The following FLRT1 variants were observed in gnomAD, a reference collection of about 807,000 sequenced individuals.
FLRT1 encodes the protein fibronectin leucine rich transmembrane protein 1, also known as leucine-rich repeat transmembrane protein FLRT1.
In FLRT1, 14 loss-of-function variants were observed where a neutral mutation model predicts 30.9. That is an observed-to-expected ratio of 0.45 (90% CI 0.30 to 0.71). The LOEUF is 0.71. FLRT1 is among the 30% of genes least tolerant of loss of function. The pLI, the probability that FLRT1 is intolerant of heterozygous loss-of-function variation, is 0.08. For synonymous variants in FLRT1, 368 were observed against 430.4 expected (o/e 0.85, Z 1.80); for missense variants, 737 against 949.2 (o/e 0.78, Z 2.94).
chr11:64,043,132 G>A (rs1045099655), intron 1 of FLRT1, among the ~76,000 whole-genome samples: 1 of 152,224 alleles, frequency 6.6e-6, no homozygotes, highest in African/African-American at 2.4e-5. Flanking sequence ...CTGTGAAACA[G>A]GATGATGGCA....
chr11:64,077,748 C>A (rs1048848155), intron 1 of FLRT1, among the ~76,000 whole-genome samples: 1 of 152,186 alleles, frequency 6.6e-6, no homozygotes, highest in Non-Finnish European at 1.5e-5. Flanking sequence ...ACTGCATTGC[C>A]GAGGGAGGAG....
At position 64,055,052 on chromosome 11, in the gene FLRT1, A is replaced by G. The variant is rs570232933; in HGVS notation, c.-1038+18893A>G. Reference sequence around the variant, plus strand: ...TTCCCATGCTGACAGCCCTTCCTCCAGGAAGCCTTCCTAGATCCCCCCAGC... The same window carrying G: ...TTCCCATGCTGACAGCCCTTCCTCCGGGAAGCCTTCCTAGATCCCCCCAGC... On this transcript the variant is annotated intron_variant, in intron 1 of 2. Transcript: ENST00000682287. Among the ~76,000 whole-genome samples, 22 of 151,962 alleles carry G rather than the reference A, an allele frequency of 1.4e-4. No homozygotes were observed. In the South Asian group the frequency reaches 4.6e-3, roughly 32 times the overall value.
At chr11:64,110,449 G>GAA (rs754055496) in intron 2 of FLRT1, among the ~76,000 whole-genome samples, 11 of 132,274 alleles carry the variant, frequency 8.3e-5, no homozygotes, top group African/African-American at 2.8e-4. Flanking sequence ...GACTGTCTCA[G>GAA]AAAAAAAAAA....
rs146221398 is a variant in FLRT1, at chr11:64,059,332, C to T, written c.-1038+23173C>T. On this transcript the variant is annotated intron_variant, in intron 1 of 2. Coordinates refer to ENST00000682287, the MANE Select transcript of FLRT1 (RefSeq NM_013280.5). ...ACTGAAGGTGGATGCGTGTAGCCAC[C>T]GACATGGGAGGCGTTGCGGGCTTAT... is the stretch of plus-strand genomic sequence containing the variant. 3.2e-3 allele frequency among the ~76,000 whole-genome samples: 486 copies of T among 152,288 alleles called. 3 individuals are homozygous for T. Among genetic ancestry groups the T allele is most frequent in the African/African-American group, 9.0e-3 (375 of 41,568 alleles).
intron 1 of FLRT1, among the ~76,000 whole-genome samples, chr11:64,085,913 C>T (rs1284242759): frequency 1.3e-5 from 2 of 152,158 alleles, no homozygotes; most frequent in African/African-American, 4.8e-5. Flanking sequence ...GGCCACCCCA[C>T]CCCCACAGAA....
At chr11:64,079,052 T>G (rs1590877280) in intron 1 of FLRT1, among the ~76,000 whole-genome samples, 1 of 130,876 alleles carries the variant, frequency 7.6e-6, no homozygotes, top group East Asian at 2.4e-4. Flanking sequence ...TGAGCCGCTG[T>G]GCGGACAGAC....
intron 1 of FLRT1, among the ~76,000 whole-genome samples, chr11:64,068,086 G>A (rs1169418102): frequency 1.3e-5 from 2 of 152,222 alleles, no homozygotes; most frequent in African/African-American, 2.4e-5. Context: ...AACCGGAGCC[G>A]GGCGAAGTTG....
chr11:64,077,122 C>T (rs111890347), intron 1 of FLRT1, among the ~76,000 whole-genome samples: 7,415 of 152,218 alleles, frequency 0.049, 446 homozygotes, highest in African/African-American at 0.14. Flanking sequence ...AGTCCAGCCT[C>T]GGGTAGGCCT....
rs186871255 is a variant in FLRT1 at position 64,067,390 on chromosome 11, T to C, written c.-1038+31231T>C. ...CAGCTGCTGACGTGAAAATGAAATATAGATTCAATACCTGAGCCTTTCAGC... is the reference window on the plus strand; with the variant it reads ...CAGCTGCTGACGTGAAAATGAAATACAGATTCAATACCTGAGCCTTTCAGC... On this transcript the variant is annotated intron_variant, in intron 1 of 2. Coordinates refer to ENST00000682287, the MANE Select transcript of FLRT1 (RefSeq NM_013280.5). This position sits in a 1 kb window ranked among gnomAD's most constrained non-coding sequence, Gnocchi z 4.6. 2.2e-4 allele frequency among the ~76,000 whole-genome samples: 33 copies of C among 152,118 alleles called. No homozygotes were observed. The highest frequency in any genetic ancestry group is 3.9e-4 in the East Asian group (2 of 5,156).
chr11:64,069,162 G>A (rs916810144), intron 1 of FLRT1, among the ~76,000 whole-genome samples: 1 of 152,220 alleles, frequency 6.6e-6, no homozygotes, highest in African/African-American at 2.4e-5. Context: ...TGCAGGGGTC[G>A]AGGGAGAGGT....
In FLRT1 at chr11:64,096,014, C is replaced by T. The variant is rs1258029877; in HGVS notation, c.-1037-7180C>T. On this transcript the variant is annotated intron_variant, in intron 1 of 2. Coordinates refer to ENST00000682287, the MANE Select transcript of FLRT1 (RefSeq NM_013280.5). This position sits in a 1 kb window ranked among gnomAD's most constrained non-coding sequence, Gnocchi z 4.6. Reference sequence around the variant, plus strand: ...GCCCATGAGCCTGCAGGATATGTCGCGCTGCAGCCAGCACAGTGCTGCTTC... The same window carrying T: ...GCCCATGAGCCTGCAGGATATGTCGTGCTGCAGCCAGCACAGTGCTGCTTC... Among the ~76,000 whole-genome samples the T allele has an allele frequency of 2.6e-5, 4 of 152,200 alleles. No individual in the cohort carries two copies. Among genetic ancestry groups the T allele is most frequent in the South Asian group, 2.1e-4 (1 of 4,836 alleles).
chr11:64,086,007 G>C (rs1399720082), intron 1 of FLRT1, among the ~76,000 whole-genome samples: 1 of 152,088 alleles, frequency 6.6e-6, no homozygotes, highest in Non-Finnish European at 1.5e-5. Flanking sequence ...AGGAGGCTCA[G>C]GGAGGGAGGG....
At chr11:64,060,899 G>T (rs1943888309) in intron 1 of FLRT1, among the ~76,000 whole-genome samples, 1 of 152,034 alleles carries the variant, frequency 6.6e-6, no homozygotes, top group South Asian at 2.1e-4. Flanking sequence ...CGCCCCCGAG[G>T]CTCTTTGCAT....
At chr11:64,058,470 C>T (rs1943834249) in intron 1 of FLRT1, among the ~76,000 whole-genome samples, 1 of 152,204 alleles carries the variant, frequency 6.6e-6, no homozygotes, top group South Asian at 2.1e-4. Flanking sequence ...CCTGGGTGGG[C>T]GAAGAGCAGG....
intron 1 of FLRT1, among the ~76,000 whole-genome samples, chr11:64,070,835 G>A (rs943702198): frequency 6.6e-6 from 1 of 152,160 alleles, no homozygotes; most frequent in East Asian, 1.9e-4. Flanking sequence ...GCTCTTTCTC[G>A]TTTTGGAAGA....
At chr11:64,068,288 A>G (rs1034919163) in intron 1 of FLRT1, among the ~76,000 whole-genome samples, 6 of 152,194 alleles carry the variant, frequency 3.9e-5, no homozygotes. Context: ...AGGCCACCCC[A>G]ACCCCACCCA....
chr11:64,076,582 C>T (rs1944206606), intron 1 of FLRT1, among the ~76,000 whole-genome samples: 1 of 152,190 alleles, frequency 6.6e-6, no homozygotes, highest in Admixed American at 6.5e-5. Context: ...CTTAGTCATC[C>T]TCACAACAGC....
intron 1 of FLRT1, among the ~76,000 whole-genome samples, chr11:64,060,108 A>G (rs1172936249): frequency 6.6e-6 from 1 of 152,242 alleles, no homozygotes; most frequent in African/African-American, 2.4e-5. Flanking sequence ...TAATCAAGTA[A>G]TAATGCACCT....
At chr11:64,111,905 A>G (rs1382742043) in intron 2 of FLRT1, among the ~76,000 whole-genome samples, 1 of 152,116 alleles carries the variant, frequency 6.6e-6, no homozygotes, top group East Asian at 1.9e-4. Flanking sequence ...CATCTCCATG[A>G]AGGTCTGAGA....
Sources: gnomAD v4.1 joint callset for allele counts (sites outside exome capture counted in the v4.1 genomes callset) on GRCh38, gnomAD v4.1.1 for gene constraint, Gnocchi (gnomAD v3.1) non-coding constraint, MANE v1.5 for transcripts, NCBI Gene and HGNC (gene_info 2026-07-23, HGNC 2026-07-21) for gene names.